Variants in DHRSX observed in about 807,000 individuals in gnomAD.
The protein encoded by DHRSX is polyprenol dehydrogenase.
A neutral mutation model predicts 34.0 loss-of-function variants in DHRSX; 31 were observed. That is an observed-to-expected ratio of 0.91 (90% CI 0.69 to 1.23). DHRSX has a LOEUF of 1.23. Ranked by LOEUF, DHRSX falls within the 50% of genes most tolerant of loss-of-function variation. The probability of loss-of-function intolerance (pLI) is 0.00; values close to 1 mark genes in which losing one functional copy is unlikely to be tolerated. For missense variants in DHRSX, 414 were observed against 428.1 expected (o/e 0.97, Z 0.29); for synonymous variants, 201 against 183.8 (o/e 1.09, Z -0.76).
chrX:2,240,407 C>A (rs1488853678), intron 6 of DHRSX, among the ~76,000 whole-genome samples: 2 of 151,838 alleles, frequency 1.3e-5, no homozygotes, highest in African/African-American at 4.8e-5. Context: ...AATTAATCCC[C>A]TCAAAAAGTC....
intron 4 of DHRSX, among the ~76,000 whole-genome samples, chrX:2,268,482 A>C (rs1171295244): frequency 6.6e-6 from 1 of 152,228 alleles, no homozygotes; most frequent in Non-Finnish European, 1.5e-5. Flanking sequence ...ATATAGCTAT[A>C]CACTTGGGTA....
At chrX:2,273,071 G>A (rs1184461662) in intron 4 of DHRSX, among the ~76,000 whole-genome samples, 6 of 152,142 alleles carry the variant, frequency 3.9e-5, no homozygotes, top group African/African-American at 1.2e-4. Context: ...TCAGGAGTTC[G>A]AGAGCAGCCT....
chrX:2,382,531 CCATCATCACCATCAT>C (rs1366288438), intron 3 of DHRSX, among the ~76,000 whole-genome samples: 8,511 of 63,780 alleles, frequency 0.13, 501 homozygotes, highest in African/African-American at 0.29. Flanking sequence ...ATCATCACTA[CCATCATCACCATCAT>C]CATCATCACC....
Position 2,477,574 on chromosome X carries a change from G to A in DHRSX, c.109+23243C>T, listed in dbSNP as rs752535965. ...AAGAAAGAAAGGTGCGGCCAGGCGCGGGGGCTCACACCTGTCATCTCAACA... is the reference window on the plus strand; with the variant it reads ...AAGAAAGAAAGGTGCGGCCAGGCGCAGGGGCTCACACCTGTCATCTCAACA... On this transcript the variant is annotated intron_variant, in intron 1 of 6. Transcript: ENST00000334651. 2.3e-4 allele frequency among the ~76,000 whole-genome samples: 35 copies of A among 152,242 alleles called. No homozygotes were observed. In the South Asian group the frequency reaches 6.2e-3, roughly 27 times the overall value.
intron 6 of DHRSX, among the ~76,000 whole-genome samples, chrX:2,223,539 C>T (rs761585617): frequency 5.3e-5 from 8 of 152,054 alleles, no homozygotes; most frequent in South Asian, 2.1e-4. Flanking sequence ...CCCTGTGTCC[C>T]GTGTCTTGCC....
chrX:2,320,850 TAA>T lies in DHRSX; in HGVS notation c.287-29249_287-29248del, dbSNP rs748857713. Among the ~76,000 whole-genome samples the T allele has an allele frequency of 1.3e-4, 20 of 151,902 alleles. 1 individual carries two copies. The South Asian group carries it at 3.7e-3, about 28-fold the overall frequency. On this transcript the variant is annotated intron_variant, in intron 3 of 6. Transcript: ENST00000334651. Reference sequence around the variant, plus strand: ...CAGGTGCACAATCAAGGTCTAAAGATAAAGAGGGTTAAGTGCAAGACAGCAGC... The same window carrying T: ...CAGGTGCACAATCAAGGTCTAAAGATAGAGGGTTAAGTGCAAGACAGCAGC...
At chrX:2,356,913 C>G (rs1006094885) in intron 3 of DHRSX, among the ~76,000 whole-genome samples, 6 of 152,070 alleles carry the variant, frequency 3.9e-5, no homozygotes, top group African/African-American at 1.2e-4. Context: ...TTCCTGTAAA[C>G]AGTAGGCTAT....
intron 3 of DHRSX, among the ~76,000 whole-genome samples, chrX:2,295,201 A>T (rs887750345): frequency 3.3e-5 from 5 of 152,118 alleles, no homozygotes; most frequent in Non-Finnish European, 4.4e-5. Context: ...TAGACTGGAT[A>T]AAGAAAATGT....
At chrX:2,302,883 T>C (rs2042030370) in intron 3 of DHRSX, among the ~76,000 whole-genome samples, 1 of 152,176 alleles carries the variant, frequency 6.6e-6, no homozygotes, top group African/African-American at 2.4e-5. Context: ...TTTTATTGTA[T>C]CTACGGCAGT....
At chrX:2,443,463 C>T (rs1672350566) in intron 1 of DHRSX, among the ~76,000 whole-genome samples, 1 of 152,098 alleles carries the variant, frequency 6.6e-6, no homozygotes, top group South Asian at 2.1e-4. Context: ...GATGTACATT[C>T]TCTACCCATT....
intron 5 of DHRSX, among the ~76,000 whole-genome samples, chrX:2,250,301 G>C (rs1020806141): frequency 1.3e-5 from 2 of 152,078 alleles, no homozygotes; most frequent in Admixed American, 1.3e-4. Context: ...GGTTTGAAAG[G>C]GTTCTTGGAT....
At chrX:2,363,184 C>T (rs1347325700) in intron 3 of DHRSX, among the ~76,000 whole-genome samples, 15 of 90,812 alleles carry the variant, frequency 1.7e-4, no homozygotes, top group East Asian at 3.0e-4. Flanking sequence ...ATTTTATCAC[C>T]GTTCTATGGT....
chrX:2,271,233 G>A (rs2041550016), intron 4 of DHRSX, among the ~76,000 whole-genome samples: 1 of 152,194 alleles, frequency 6.6e-6, no homozygotes, highest in South Asian at 2.1e-4. Flanking sequence ...AACATCTGAA[G>A]GAACAAACTC....
At chrX:2,358,734 G>C (rs1224942785) in intron 3 of DHRSX, among the ~76,000 whole-genome samples, 1 of 152,130 alleles carries the variant, frequency 6.6e-6, no homozygotes, top group African/African-American at 2.4e-5. Context: ...TCCTTAGTTA[G>C]TAAATGGCGA....
At chrX:2,486,793 A>G (rs2044946233) in intron 1 of DHRSX, 1 of 152,252 alleles carries the variant, frequency 6.6e-6, no homozygotes. Context: ...AAAGAAAGCA[A>G]AGGTTACGTG....
At chrX:2,314,214 G>C (rs2042199202) in intron 3 of DHRSX, among the ~76,000 whole-genome samples, 3 of 17,138 alleles carry the variant, frequency 1.8e-4, no homozygotes, top group South Asian at 1.7e-3. Flanking sequence ...GAGAGGGAGG[G>C]AAGGAGGGAA....
intron 1 of DHRSX, among the ~76,000 whole-genome samples, chrX:2,497,787 C>A (rs1165609529): frequency 6.6e-6 from 1 of 152,180 alleles, no homozygotes; most frequent in Non-Finnish European, 1.5e-5. Context: ...CTAAACAGAT[C>A]ACCCTGTTAT....
chrX:2,357,051 C>G (rs914137192), intron 3 of DHRSX, among the ~76,000 whole-genome samples: 9 of 152,082 alleles, frequency 5.9e-5, no homozygotes, highest in Non-Finnish European at 1.0e-4. Context: ...CAAGACCAGC[C>G]TGACCAAGAT....
chrX:2,421,411 T>C (rs1427014571), intron 2 of DHRSX, among the ~76,000 whole-genome samples: 6 of 151,966 alleles, frequency 3.9e-5, no homozygotes, highest in Non-Finnish European at 7.4e-5. Context: ...AGCCATGACA[T>C]AGAAAAATTT....
Sources: gnomAD v4.1 joint callset for allele counts (sites outside exome capture counted in the v4.1 genomes callset) on GRCh38, gnomAD v4.1.1 for gene constraint, MANE v1.5 for transcripts, NCBI Gene and HGNC (gene_info 2026-07-23, HGNC 2026-07-21) for gene names.